Variants in ADAMTS12 observed in about 807,000 individuals in gnomAD.
ADAMTS12 encodes the protein A disintegrin and metalloproteinase with thrombospondin motifs 12.
ADAMTS12 carries 118 observed loss-of-function variants against 167.8 expected under a neutral mutation model. The observed-to-expected ratio is 0.70, with a 90% confidence interval of 0.61 to 0.82. The LOEUF (loss-of-function observed/expected upper bound fraction) is 0.82, where lower values mean the gene tolerates loss of function less well. Among genes scored for constraint, ADAMTS12 ranks in the 40% least tolerant of loss-of-function variants. ADAMTS12 has a pLI of 0.00. For missense variants in ADAMTS12, 1,916 were observed against 1,998.8 expected, an observed-to-expected ratio of 0.96 and a Z score of 0.79; for synonymous variants, 704 against 716.9, an observed-to-expected ratio of 0.98 and a Z score of 0.29.
intron 2 of ADAMTS12, among the ~76,000 whole-genome samples, chr5:33,835,184 C>T (rs1748461383): frequency 6.6e-6 from 1 of 152,116 alleles, no homozygotes; most frequent in African/African-American, 2.4e-5. Flanking sequence ...AGGATTGGTA[C>T]CCAGAGCCCC....
chr5:33,656,694 G>C (rs1000811651), intron 7 of ADAMTS12, among the ~76,000 whole-genome samples: 1 of 152,160 alleles, frequency 6.6e-6, no homozygotes, highest in African/African-American at 2.4e-5. Flanking sequence ...AGCATTGTTT[G>C]GCCAGCAGGT....
At chr5:33,557,954 A>T (rs1745560253) in intron 20 of ADAMTS12, among the ~76,000 whole-genome samples, 1 of 151,976 alleles carries the variant, frequency 6.6e-6, no homozygotes, top group African/African-American at 2.4e-5. Flanking sequence ...TTCTTATGAA[A>T]ATCTAGTGCC....
chr5:33,845,015 A>G (rs1748892403), intron 2 of ADAMTS12, among the ~76,000 whole-genome samples: 1 of 152,324 alleles, frequency 6.6e-6, no homozygotes, highest in African/African-American at 2.4e-5. Context: ...TAAACTGAAA[A>G]CAGAAAGTGA....
intron 2 of ADAMTS12, among the ~76,000 whole-genome samples, chr5:33,840,645 A>T (rs1748714868): frequency 6.6e-6 from 1 of 152,234 alleles, no homozygotes; most frequent in South Asian, 2.1e-4. Flanking sequence ...TAGCCATGGG[A>T]AGCTGTACTA....
At chr5:33,865,076 T>C (rs1239825780) in intron 2 of ADAMTS12, among the ~76,000 whole-genome samples, 1 of 152,024 alleles carries the variant, frequency 6.6e-6, no homozygotes, top group Non-Finnish European at 1.5e-5. Context: ...CTACTGAAAC[T>C]ATTCCAAAGA....
In ADAMTS12 at chr5:33,795,702, CAGTA is replaced by C. The variant is rs1746746383; in HGVS notation, c.490-44158_490-44155del. On this transcript the variant is annotated intron_variant, in intron 2 of 23. Coordinates refer to ENST00000504830, the MANE Select transcript of ADAMTS12 (RefSeq NM_030955.4). The stretch of plus-strand genomic sequence containing the variant: ...TGTGGGAGCCATTCTTCGTCTCTGT[CAGTA>C]AGAGCCACCTCAGCCCAAATGTGGA... Among the ~76,000 whole-genome samples the C allele has an allele frequency of 2.0e-5, 3 of 152,248 alleles. No individual in the cohort carries two copies. In the South Asian group the frequency reaches 6.2e-4, roughly 32 times the overall value.
At chr5:33,798,566 G>A (rs542949887) in intron 2 of ADAMTS12, among the ~76,000 whole-genome samples, 14 of 149,050 alleles carry the variant, frequency 9.4e-5, no homozygotes, top group African/African-American at 2.7e-4. Flanking sequence ...TCAGCCTCCC[G>A]AGTAGCTGGG....
intron 2 of ADAMTS12, among the ~76,000 whole-genome samples, chr5:33,874,075 C>T (rs1750136728): frequency 1.3e-5 from 2 of 152,008 alleles, no homozygotes; most frequent in African/African-American, 2.4e-5. Context: ...AATTGATAAG[C>T]TGGATTTTAT....
Position 33,801,781 on chromosome 5 carries a change from T to C in ADAMTS12, c.490-50233A>G, listed in dbSNP as rs372220471. Among the ~76,000 whole-genome samples, 158 of 152,212 alleles carry C rather than the reference T, an allele frequency of 1.0e-3. 2 individuals are homozygous for C. Among genetic ancestry groups the C allele is most frequent in the African/African-American group, 3.6e-3 (148 of 41,524 alleles). On this transcript the variant is annotated intron_variant, in intron 2 of 23. Coordinates refer to ENST00000504830, the MANE Select transcript of ADAMTS12 (RefSeq NM_030955.4). ...GAAGCAACAAGAAAATGCCGTGAGG[T>C]TGAAGATTAAAGGTGACTGCTGGGG...
rs4049324 is a variant in ADAMTS12, at chr5:33,565,674, GTTT to G, written c.3973-4498_3973-4496del. On this transcript the variant is annotated intron_variant, in intron 19 of 23. Coordinates refer to ENST00000504830, the MANE Select transcript of ADAMTS12 (RefSeq NM_030955.4). ...CACCACTGTTGCCAGTTTTTTGTTTGTTTTTTTTTTTTTTTTTGGTGAGCTATA... is the reference window on the plus strand; with the variant it reads ...CACCACTGTTGCCAGTTTTTTGTTTGTTTTTTTTTTTTTTGGTGAGCTATA... Among the ~76,000 whole-genome samples the G allele has an allele frequency of 4.1e-3, 521 of 126,272 alleles. 3 individuals are homozygous for G. Among genetic ancestry groups the G allele is most frequent in the African/African-American group, 0.013 (452 of 33,482 alleles). The allele number at this position is 126,272 out of a possible 152,430, so 82.8% of individuals were successfully genotyped here. A position where few individuals can be genotyped will look rare whatever the true frequency, so the allele number is the denominator to read the frequency against.
Position 33,874,191 on chromosome 5 carries a change from C to G in ADAMTS12, c.489+6928G>C, listed in dbSNP as rs191195353. Among the ~76,000 whole-genome samples the G allele has an allele frequency of 4.1e-3, 625 of 152,250 alleles. 2 individuals are homozygous for G. The highest frequency in any genetic ancestry group is 8.4e-3 in the Admixed American group (129 of 15,298). On this transcript the variant is annotated intron_variant, in intron 2 of 23. Coordinates refer to ENST00000504830, the MANE Select transcript of ADAMTS12 (RefSeq NM_030955.4). ...CAAAAGACATCTGATAAATCAACTG[C>G]TGTCAAAATTTACAAAGAACTCTTA...
intron 19 of ADAMTS12, among the ~76,000 whole-genome samples, chr5:33,568,568 T>G (rs889789581): frequency 1.4e-4 from 21 of 152,240 alleles, no homozygotes; most frequent in African/African-American, 4.6e-4. Context: ...GTTACAAATC[T>G]CTTTTTCTAT....
At chr5:33,565,858 T>A (rs899408038) in intron 19 of ADAMTS12, among the ~76,000 whole-genome samples, 1 of 152,226 alleles carries the variant, frequency 6.6e-6, no homozygotes, top group Non-Finnish European at 1.5e-5. Context: ...CATTTTGGCT[T>A]AATTTGCGTG....
intron 2 of ADAMTS12, among the ~76,000 whole-genome samples, chr5:33,780,593 G>C (rs541534290): frequency 1.6e-4 from 24 of 152,262 alleles, no homozygotes; most frequent in Middle Eastern, 3.4e-3. Context: ...AAGAAATGGA[G>C]TTGGGCATTC....
chr5:33,775,006 ACCTACTGAATCAG>A (rs1320136090), intron 2 of ADAMTS12, among the ~76,000 whole-genome samples: 1 of 152,136 alleles, frequency 6.6e-6, no homozygotes, highest in Admixed American at 6.5e-5. Flanking sequence ...TCCAGTTCAA[ACCTACTGAATCAG>A]CATCTCTGGG....
At chr5:33,800,583 G>T (rs75952979) in intron 2 of ADAMTS12, among the ~76,000 whole-genome samples, 2,248 of 152,164 alleles carry the variant, frequency 0.015, 65 homozygotes, top group African/African-American at 0.052. Context: ...TGAGTGGTTT[G>T]GCATTAATCA....
chr5:33,562,483 G>C (rs1745795014), intron 19 of ADAMTS12, among the ~76,000 whole-genome samples: 1 of 151,888 alleles, frequency 6.6e-6, no homozygotes, highest in African/African-American at 2.4e-5. Context: ...ACTAAAAGGG[G>C]CTGTTTCTGG....
chr5:33,546,759 T>C (rs1939858629), intron 21 of ADAMTS12, among the ~76,000 whole-genome samples: 1 of 152,260 alleles, frequency 6.6e-6, no homozygotes, highest in South Asian at 2.1e-4. Flanking sequence ...GTCAGGTTTT[T>C]GCTTACTAGA....
chr5:33,795,597 C>T (rs1746742656), intron 2 of ADAMTS12, among the ~76,000 whole-genome samples: 1 of 152,192 alleles, frequency 6.6e-6, no homozygotes, highest in Non-Finnish European at 1.5e-5. Flanking sequence ...CAACTACGCT[C>T]CTCAGAGGAG....
Sources: allele counts gnomAD v4.1 joint callset (sites outside exome capture counted in the v4.1 genomes callset), GRCh38; gene constraint gnomAD v4.1.1; transcripts MANE v1.5; gene names NCBI Gene and HGNC (gene_info 2026-07-23, HGNC 2026-07-21).